The following ELOVL2 variants were observed in gnomAD, a reference collection of about 807,000 sequenced individuals.
ELOVL2 encodes the protein very long chain fatty acid elongase 2.
A neutral mutation model predicts 37.7 loss-of-function variants in ELOVL2; 38 were observed. That is an observed-to-expected ratio of 1.01 (90% CI 0.78 to 1.32). The LOEUF (loss-of-function observed/expected upper bound fraction) is 1.32, where lower values mean the gene tolerates loss of function less well. Among genes scored for constraint, ELOVL2 ranks in the 40% most tolerant of loss-of-function variants. The probability of loss-of-function intolerance (pLI) is 0.00; values close to 1 mark genes in which losing one functional copy is unlikely to be tolerated. For missense variants in ELOVL2, 352 were observed against 363.6 expected, an observed-to-expected ratio of 0.97 and a Z score of 0.26; for synonymous variants, 115 against 122.3, an observed-to-expected ratio of 0.94 and a Z score of 0.40.
chr6:10,989,625 G>A, intron 7 of ELOVL2, 78 bp downstream of exon 7: 1 of 1,452,492 alleles, frequency 6.9e-7, no homozygotes. Flanking sequence ...GGCAATAAGA[G>A]CGAAACTCTG....
intron 7 of ELOVL2, among the ~76,000 whole-genome samples, chr6:10,985,630 T>A (rs1284125038): frequency 1.3e-5 from 2 of 151,916 alleles, no homozygotes; most frequent in Non-Finnish European, 2.9e-5. Flanking sequence ...CTTGTTTTTC[T>A]CAGGTTTGTC....
rs1405334475 is a variant in ELOVL2, at chr6:10,989,812, T to C, written c.656A>G (p.His219Arg). 1 of 1,614,122 alleles carries C rather than the reference T, an allele frequency of 6.2e-7. No individual in the cohort carries two copies. The highest frequency in any genetic ancestry group is 2.2e-5 in the East Asian group (1 of 44,874). Reference protein sequence around the residue: ...QLVQFVLTITHTMSAVVKPCG... With the variant: ...QLVQFVLTITRTMSAVVKPCG... ...CGGTTTCACGACGGCGCTCATGGTGTGCGTGATGGTGAGCACGAACTGCAC... is the reference window on the plus strand; with the variant it reads ...CGGTTTCACGACGGCGCTCATGGTGCGCGTGATGGTGAGCACGAACTGCAC... The change falls in exon 7 of 8, where the codon CAC becomes CGC. Residue 219 changes from histidine (H) to arginine (R), a missense_variant. By Grantham distance (29) the His-to-Arg change is conservative (BLOSUM62 0). Coordinates refer to ENST00000354666, the MANE Select transcript of ELOVL2 (RefSeq NM_017770.4).
intron 5 of ELOVL2, among the ~76,000 whole-genome samples, chr6:10,993,176 CAATT>C (rs1482527892): frequency 1.5e-4 from 23 of 152,236 alleles, no homozygotes; most frequent in Non-Finnish European, 2.9e-4. Flanking sequence ...GAATAGTTAA[CAATT>C]AGTTTATGCA....
Position 10,983,875 on chromosome 6 carries a change from A to G in ELOVL2, c.797T>C (p.Met266Thr), listed in dbSNP as rs143359371. 120 of 1,613,716 alleles carry G rather than the reference A, an allele frequency of 7.4e-5. No homozygotes were observed. In the African/African-American group the frequency reaches 1.5e-3, roughly 20 times the overall value. ...TTCTTTCCCTGCAGGTGGCTCTTGC[A>G]TATCTTTCTTCATTGGCTTTTTTCG... The part of the protein sequence containing the change: ...TYRKKPMKKD[M>T]QEPPAGKEVK... The change falls in exon 8 of 8, where the codon ATG (methionine) becomes ACG (threonine). Residue 266 changes from methionine (M) to threonine (T), a missense_variant. Met to Thr is a moderately conservative substitution (Grantham distance 81, BLOSUM62 -1). Transcript: ENST00000354666.
chr6:11,016,341 T>A (rs1195255204), intron 1 of ELOVL2, among the ~76,000 whole-genome samples: 1 of 152,192 alleles, frequency 6.6e-6, no homozygotes, highest in Admixed American at 6.5e-5. Context: ...GAACAGCTAT[T>A]TTCTACCACC....
chr6:11,012,315 T>C (rs1782598751), intron 1 of ELOVL2, among the ~76,000 whole-genome samples: 1 of 152,240 alleles, frequency 6.6e-6, no homozygotes, highest in African/African-American at 2.4e-5. Flanking sequence ...AGTATATTCA[T>C]CTTTGTTTCC....
intron 1 of ELOVL2, among the ~76,000 whole-genome samples, chr6:11,014,038 T>C (rs147436161): frequency 3.9e-5 from 6 of 152,266 alleles, no homozygotes; most frequent in African/African-American, 1.4e-4. Flanking sequence ...CTGTGTTCAA[T>C]GACTTGGAAT....
In ELOVL2 at chr6:10,990,304, A is replaced by T; in HGVS notation, c.630+14T>A. On this transcript the variant is annotated intron_variant, in intron 6 of 7. Coordinates refer to ENST00000354666, the MANE Select transcript of ELOVL2 (RefSeq NM_017770.4). ...AAGCCACATGGAGAAAAGCTAAAAG[A>T]AGGGACAACATACCAGCTGAGCCTG... 6.2e-7 allele frequency: 1 copy of T among 1,606,706 alleles called. No individual in the cohort carries two copies. The highest frequency in any genetic ancestry group is 8.5e-7 in the Non-Finnish European group (1 of 1,178,180).
At chr6:10,988,164 A>G (rs1436970675) in intron 7 of ELOVL2, among the ~76,000 whole-genome samples, 1 of 152,250 alleles carries the variant, frequency 6.6e-6, no homozygotes, top group Non-Finnish European at 1.5e-5. Context: ...ATTTCTTTGG[A>G]AATCTTCAAA....
chr6:10,997,583 C>A (rs764590538), intron 4 of ELOVL2, among the ~76,000 whole-genome samples: 13 of 152,148 alleles, frequency 8.5e-5, no homozygotes, highest in Non-Finnish European at 1.6e-4. Flanking sequence ...AAAACTAGAT[C>A]CTTTATGAAG....
Position 10,990,367 on chromosome 6 carries a change from G to C in ELOVL2, c.581C>G (p.Ser194Cys), listed in dbSNP as rs186121764. The C allele has an allele frequency of 5.5e-5, 89 of 1,613,092 alleles. No individual in the cohort carries two copies. In the East Asian group the frequency reaches 1.9e-3, roughly 35 times the overall value. ...CTTCCACCAAAGATACTTGTGCATA[G>C]ATGGAAACACAGAAAGTCCATAGTA... ...YSYYGLSVFP[S>C]MHKYLWWKKY... Residue 194 changes from serine (S) to cysteine (C), a missense_variant, in exon 6 of 8, where the codon TCT becomes TGT. Transcript: ENST00000354666.
rs547512194 is a variant in ELOVL2, at chr6:11,041,666, G to C, written c.3+2562C>G. Among the ~76,000 whole-genome samples the C allele has an allele frequency of 8.5e-5, 13 of 152,126 alleles. No homozygotes were observed. The South Asian group carries it at 2.7e-3, about 32-fold the overall frequency. On this transcript the variant is annotated intron_variant, in intron 1 of 7. Transcript: ENST00000354666. ...TACCTTTAATTTCTACTACCTACCT[G>C]GGAAAGATGGTAACCACAGAACTGC...
chr6:11,012,660 T>C (rs1311512330), intron 1 of ELOVL2, among the ~76,000 whole-genome samples: 4 of 152,130 alleles, frequency 2.6e-5, no homozygotes, highest in South Asian at 2.1e-4. Flanking sequence ...TTAGTCACAG[T>C]GGAAGAAGGG....
chr6:11,036,055 A>C (rs963367889), intron 1 of ELOVL2, among the ~76,000 whole-genome samples: 1 of 150,796 alleles, frequency 6.6e-6, no homozygotes, highest in Non-Finnish European at 1.5e-5. Flanking sequence ...TATTAATTCC[A>C]AAGTTTACAC....
chr6:11,029,223 CAA>C (rs376639413), intron 1 of ELOVL2, among the ~76,000 whole-genome samples: 3 of 75,802 alleles, frequency 4.0e-5, no homozygotes, highest in South Asian at 3.9e-4. Flanking sequence ...AGGGAGATCT[CAA>C]AAAAAAAAAA....
chr6:10,985,620 CTTGT>C (rs1782037100), intron 7 of ELOVL2, among the ~76,000 whole-genome samples: 1 of 151,798 alleles, frequency 6.6e-6, no homozygotes, highest in Non-Finnish European at 1.5e-5. Flanking sequence ...TTCCCCATTG[CTTGT>C]TTTTCTCAGG....
intron 1 of ELOVL2, among the ~76,000 whole-genome samples, chr6:11,020,480 C>A (rs947289531): frequency 3.3e-5 from 5 of 152,208 alleles, no homozygotes; most frequent in Admixed American, 3.3e-4. Flanking sequence ...CGACTATCTT[C>A]AAAACATCAG....
At chr6:10,989,146 TA>T (rs1782099759) in intron 7 of ELOVL2, among the ~76,000 whole-genome samples, 1 of 152,260 alleles carries the variant, frequency 6.6e-6, no homozygotes, top group Non-Finnish European at 1.5e-5. Flanking sequence ...AATCCAATGA[TA>T]TTTTTGATAA....
intron 1 of ELOVL2, among the ~76,000 whole-genome samples, chr6:11,032,183 C>G (rs1239017866): frequency 2.0e-5 from 3 of 152,000 alleles, no homozygotes; most frequent in African/African-American, 4.8e-5. Flanking sequence ...TTCTATTTTT[C>G]CACCTGGCTC....
Sources: allele counts gnomAD v4.1 joint callset (sites outside exome capture counted in the v4.1 genomes callset), GRCh38; gene constraint gnomAD v4.1.1; transcripts MANE v1.5; gene names NCBI Gene and HGNC (gene_info 2026-07-23, HGNC 2026-07-21).